TRPC6: variants seen among roughly 807,000 people sequenced by gnomAD.
TRPC6 encodes transient receptor potential cation channel subfamily C member 6.
Under a neutral mutation model 90.7 loss-of-function variants are expected in TRPC6, and 55 were observed. The ratio of observed to expected loss-of-function variants is 0.61; its 90% CI spans 0.49 to 0.76. The LOEUF is 0.76. Ranked by LOEUF, TRPC6 falls within the 30% of genes least tolerant of loss-of-function variation. TRPC6 has a pLI of 0.00. For missense variants in TRPC6, 989 were observed against 1,122.7 expected (o/e 0.88, Z 1.70); for synonymous variants, 393 against 393.0 (o/e 1.00, Z 0.00).
chr11:101,459,856 A>G (rs544815284), intron 10 of TRPC6, among the ~76,000 whole-genome samples: 1 of 152,186 alleles, frequency 6.6e-6, no homozygotes. Context: ...CCATTTCTTT[A>G]TAATATGAGT....
At chr11:101,487,669 A>C (rs556696223) in intron 4 of TRPC6, among the ~76,000 whole-genome samples, 1 of 152,262 alleles carries the variant, frequency 6.6e-6, no homozygotes, top group Admixed American at 6.5e-5. Flanking sequence ...GAAAATCTGT[A>C]CTACAGATGT....
At chr11:101,488,698 G>A (rs1418713075) in intron 4 of TRPC6, among the ~76,000 whole-genome samples, 2 of 152,038 alleles carry the variant, frequency 1.3e-5, no homozygotes, top group Non-Finnish European at 2.9e-5. Flanking sequence ...TGATATTACA[G>A]GTGAATTTTA....
intron 10 of TRPC6, among the ~76,000 whole-genome samples, chr11:101,457,584 C>CA (rs1162045297): frequency 6.6e-6 from 1 of 152,156 alleles, no homozygotes; most frequent in Non-Finnish European, 1.5e-5. Context: ...TATATTCAGT[C>CA]AGCAGTGAAT....
intron 3 of TRPC6, chr11:101,491,315 T>C: frequency 2.6e-6 from 1 of 389,770 alleles, no homozygotes; most frequent in African/African-American, 2.1e-5. Context: ...GCGCCTGTAG[T>C]CCCAGCTACT....
At chr11:101,468,853 TCATTTCTTTTC>T (rs1379810812) in intron 10 of TRPC6, among the ~76,000 whole-genome samples, 9 of 152,190 alleles carry the variant, frequency 5.9e-5, no homozygotes, top group Non-Finnish European at 1.3e-4. Context: ...CATTCCTTTA[TCATTTCTTTTC>T]AGCAACAAGC....
At chr11:101,507,833 T>C (rs1485420094) in intron 1 of TRPC6, among the ~76,000 whole-genome samples, 1 of 152,136 alleles carries the variant, frequency 6.6e-6, no homozygotes, top group Non-Finnish European at 1.5e-5. Context: ...AGTGTCCTTT[T>C]CTTAGAAATA....
intron 3 of TRPC6, 59 bp downstream of exon 3, chr11:101,491,497 C>G: frequency 6.3e-7 from 1 of 1,593,830 alleles, no homozygotes; most frequent in Non-Finnish European, 8.6e-7. Context: ...AACCCTTTAT[C>G]CTTATTTAGC....
intron 5 of TRPC6, among the ~76,000 whole-genome samples, chr11:101,480,263 A>G (rs760137969): frequency 9.9e-5 from 15 of 152,202 alleles, no homozygotes; most frequent in Non-Finnish European, 1.8e-4. Flanking sequence ...AACATGTTAT[A>G]TAAAATATAA....
intron 1 of TRPC6, among the ~76,000 whole-genome samples, chr11:101,541,506 C>A (rs1375209178): frequency 7.1e-6 from 1 of 141,034 alleles, no homozygotes; most frequent in Admixed American, 7.3e-5. Context: ...GGATTACAGG[C>A]ACCTGCCACC....
chr11:101,526,201 C>T (rs769583718), intron 1 of TRPC6, among the ~76,000 whole-genome samples: 2 of 152,148 alleles, frequency 1.3e-5, no homozygotes, highest in African/African-American at 2.4e-5. Flanking sequence ...ACAATGACCA[C>T]TCATAGGCAT....
chr11:101,567,247 C>G (rs7110783), intron 1 of TRPC6, among the ~76,000 whole-genome samples: 4,365 of 152,026 alleles, frequency 0.029, 120 homozygotes, highest in African/African-American at 0.069. Flanking sequence ...AAACAAAGCC[C>G]TGGGGAAGTT....
intron 2 of TRPC6, among the ~76,000 whole-genome samples, chr11:101,492,319 C>T (rs1367296482): frequency 6.6e-6 from 1 of 152,104 alleles, no homozygotes; most frequent in Non-Finnish European, 1.5e-5. Context: ...TGTGTTGGCT[C>T]CCGCCTGTAA....
chr11:101,583,583 G>C lies in TRPC6; in HGVS notation c.-80C>G. On this transcript the variant is annotated 5_prime_UTR_variant, in exon 1 of 13. Coordinates refer to ENST00000344327, the MANE Select transcript of TRPC6 (RefSeq NM_004621.6). ...TTCCAGCGGGGACCCGGTGCGGAGGGTTCGCGTCAGCGGCCGAACTGGACC... is the reference window on the plus strand; with the variant it reads ...TTCCAGCGGGGACCCGGTGCGGAGGCTTCGCGTCAGCGGCCGAACTGGACC... 7.2e-7 allele frequency: 1 copy of C among 1,383,738 alleles called. No homozygotes were observed. Among genetic ancestry groups the C allele is most frequent in the Non-Finnish European group, 9.4e-7 (1 of 1,069,388 alleles). The allele number at this position is 1,383,738 out of a possible 1,614,324, so 85.7% of individuals were successfully genotyped here. A position where few individuals can be genotyped will look rare whatever the true frequency, so the allele number is the denominator to read the frequency against.
intron 1 of TRPC6, among the ~76,000 whole-genome samples, chr11:101,505,805 GAAGTC>G (rs1307980394): frequency 6.6e-6 from 1 of 152,046 alleles, no homozygotes; most frequent in East Asian, 1.9e-4. Context: ...ACTTGCCCAG[GAAGTC>G]AAGACTAGCT....
intron 1 of TRPC6, among the ~76,000 whole-genome samples, chr11:101,578,641 T>C (rs778962685): frequency 6.6e-6 from 1 of 152,152 alleles, no homozygotes; most frequent in Admixed American, 6.5e-5. Context: ...GAGGATATAA[T>C]TAAGAATCAC....
At chr11:101,490,100 TA>T (rs1859770617) in intron 3 of TRPC6, among the ~76,000 whole-genome samples, 1 of 152,146 alleles carries the variant, frequency 6.6e-6, no homozygotes, top group Non-Finnish European at 1.5e-5. Context: ...TGTTTACGAG[TA>T]AAAGTCATGC....
At chr11:101,567,281 G>A (rs556965333) in intron 1 of TRPC6, among the ~76,000 whole-genome samples, 2 of 152,022 alleles carry the variant, frequency 1.3e-5, no homozygotes, top group Non-Finnish European at 2.9e-5. Context: ...GCCCACCACA[G>A]CTCAGCAAAG....
intron 2 of TRPC6, among the ~76,000 whole-genome samples, chr11:101,498,268 T>A (rs1269716058): frequency 6.6e-6 from 1 of 152,202 alleles, no homozygotes; most frequent in Non-Finnish European, 1.5e-5. Flanking sequence ...TGAGGTCTCA[T>A]GCTACCAAAG....
chr11:101,452,851 T>G lies in TRPC6; in HGVS notation c.*104A>C. The G allele has an allele frequency of 1.4e-6, 2 of 1,383,864 alleles. No homozygotes were observed. The highest frequency in any genetic ancestry group is 4.6e-5 in the East Asian group (2 of 43,648). The allele number at this position is 1,383,864 out of a possible 1,614,324, so 85.7% of individuals were successfully genotyped here. ...AGGATGGCCCAAGTTATTTAACGTT[T>G]TCTTGTTTAAAAGGTGGGCCCATTG... On this transcript the variant is annotated 3_prime_UTR_variant, in exon 13 of 13. Transcript: ENST00000344327.
Sources: gnomAD v4.1 joint callset for allele counts (sites outside exome capture counted in the v4.1 genomes callset) on GRCh38, gnomAD v4.1.1 for gene constraint, MANE v1.5 for transcripts, NCBI Gene and HGNC (gene_info 2026-07-23, HGNC 2026-07-21) for gene names.